FAHD2B: variants seen among roughly 807,000 people sequenced by gnomAD.
FAHD2B encodes oxaloacetate tautomerase FAHD2B, mitochondrial.
Under a neutral mutation model 33.7 loss-of-function variants are expected in FAHD2B, and 26 were observed. The observed-to-expected ratio is 0.77, with a 90% CI of 0.57 to 1.07. The LOEUF (loss-of-function observed/expected upper bound fraction) is 1.07. FAHD2B is among the 50% of genes least tolerant of loss of function. FAHD2B has a pLI of 0.00. For missense variants in FAHD2B, 272 were observed against 388.1 expected (o/e 0.70, Z 2.51); for synonymous variants, 108 against 150.9 (o/e 0.72, Z 2.08).
downstream of FAHD2B, among the ~76,000 whole-genome samples, chr2:97,080,220 T>C (rs1402325338): frequency 3.9e-5 from 6 of 152,112 alleles, no homozygotes; most frequent in South Asian, 2.1e-4. Flanking sequence ...TTTTTATAGT[T>C]TGGGGTTTTA....
chr2:97,082,226 TTTC>T, downstream of FAHD2B: 1 of 1,540,304 alleles, frequency 6.5e-7, no homozygotes, highest in South Asian at 1.2e-5. Context: ...CCCAGATTTC[TTTC>T]TTTTCCTCTG....
chr2:97,090,400 G>T (rs1054423828), intron 3 of FAHD2B, 75 bp from the exon 4 acceptor site: 18 of 1,471,716 alleles, frequency 1.2e-5, no homozygotes, highest in Middle Eastern at 3.7e-4. Context: ...GGCAGATCCT[G>T]CAGCAGCTAC....
chr2:97,087,914 C>T (rs531687911), intron 4 of FAHD2B, among the ~76,000 whole-genome samples: 1 of 151,884 alleles, frequency 6.6e-6, no homozygotes, highest in East Asian at 1.9e-4. Flanking sequence ...AATTCTGGGA[C>T]CACTGACATG....
chr2:97,090,450 C>G (rs1225380205), intron 3 of FAHD2B, 125 bp from the exon 4 acceptor site: 4 of 1,458,246 alleles, frequency 2.7e-6, no homozygotes, highest in Non-Finnish European at 3.6e-6. Flanking sequence ...GCTCTATCAA[C>G]CATCAGAGTC....
At chr2:97,083,398 T>C, downstream of FAHD2B, 5 of 1,468,794 alleles carry the variant, frequency 3.4e-6, no homozygotes, top group Non-Finnish European at 4.5e-6. Flanking sequence ...TCCCTTGCCA[T>C]CTCTTGCTTT....
chr2:97,090,380 G>A (rs934647940), intron 3 of FAHD2B, 55 bp from the exon 4 acceptor site: 12 of 1,469,990 alleles, frequency 8.2e-6, no homozygotes, highest in Middle Eastern at 1.8e-4. Flanking sequence ...GGGCAATCCC[G>A]GGCAGGCTGG....
At chr2:97,084,339 T>C (rs1245239204) in intron 6 of FAHD2B, 62 bp from the exon 7 acceptor site, 1 of 1,597,036 alleles carries the variant, frequency 6.3e-7, no homozygotes, top group East Asian at 2.2e-5. Context: ...CCCAGTGTTT[T>C]ACAAACACAA....
intron 4 of FAHD2B, among the ~76,000 whole-genome samples, chr2:97,089,118 G>T (rs1379840505): frequency 6.6e-6 from 1 of 151,980 alleles, no homozygotes; most frequent in Non-Finnish European, 1.5e-5. Context: ...AACGATGGAT[G>T]TGTAAGTTGC....
At chr2:97,085,112 T>C (rs2031886886) in intron 6 of FAHD2B, among the ~76,000 whole-genome samples, 1 of 151,918 alleles carries the variant, frequency 6.6e-6, no homozygotes, top group African/African-American at 2.4e-5. Context: ...AATTTAACTT[T>C]GCCGAGGACT....
At chr2:97,090,051 C>T in intron 4 of FAHD2B, 58 bp downstream of exon 4, 1 of 1,508,350 alleles carries the variant, frequency 6.6e-7, no homozygotes, top group Non-Finnish European at 9.1e-7. Context: ...CAATACTGAG[C>T]TCAGAATGCC....
downstream of FAHD2B, chr2:97,080,982 T>TG (rs2031621923): frequency 1.8e-5 from 16 of 908,018 alleles, no homozygotes; most frequent in Admixed American, 5.8e-4. Context: ...TAAGAAGCTT[T>TG]GGGGGCTGGG....
At position 97,083,661 on chromosome 2, in the gene FAHD2B, T is replaced by C; in HGVS notation, c.*94A>G. The C allele has an allele frequency of 1.6e-5, 25 of 1,599,050 alleles. No homozygotes were observed. The highest frequency in any genetic ancestry group is 1.7e-5 in the Non-Finnish European group (20 of 1,170,202). Reference sequence around the variant, plus strand: ...ACCGAGAAGAGGCGGCTTGCAGGGCTGGCACCTGCCCACACCTGCCACTGG... The same window carrying C: ...ACCGAGAAGAGGCGGCTTGCAGGGCCGGCACCTGCCCACACCTGCCACTGG... On this transcript the variant is annotated 3_prime_UTR_variant, in exon 9 of 9. Coordinates refer to ENST00000414820, the MANE Select transcript of FAHD2B (RefSeq NM_001320848.2).
At chr2:97,080,937 G>T (rs1433949261), downstream of FAHD2B, among the ~76,000 whole-genome samples, 2 of 152,102 alleles carry the variant, frequency 1.3e-5, no homozygotes, top group African/African-American at 4.8e-5. Context: ...CATTAATTTT[G>T]TAACTTGAGA....
At chr2:97,080,375 T>G (rs1200887089), downstream of FAHD2B, among the ~76,000 whole-genome samples, 1 of 152,090 alleles carries the variant, frequency 6.6e-6, no homozygotes, top group East Asian at 1.9e-4. Flanking sequence ...TTTGTCAGGT[T>G]TGTCAAATAT....
At chr2:97,084,521 A>G (rs1323035759) in intron 6 of FAHD2B, among the ~76,000 whole-genome samples, 1 of 151,744 alleles carries the variant, frequency 6.6e-6, no homozygotes, top group African/African-American at 2.4e-5. Context: ...GATGTTCCAG[A>G]CTCTGAAGGA....
At position 97,092,006 on chromosome 2, in the gene FAHD2B, A is replaced by G. The variant is rs137898672; in HGVS notation, c.-132-18T>C. Reference sequence around the variant, plus strand: ...TGGCTCTGCTGTAGGTATTGGGGAAACAATGTAGGTCAAACTCAGCCCTGC... The same window carrying G: ...TGGCTCTGCTGTAGGTATTGGGGAAGCAATGTAGGTCAAACTCAGCCCTGC... On this transcript the variant is annotated intron_variant, in intron 1 of 8. Transcript: ENST00000414820. 790 of 327,112 alleles carry G rather than the reference A, an allele frequency of 2.4e-3. 3 individuals are homozygous for G. The highest frequency in any genetic ancestry group is 0.015 in the African/African-American group (702 of 48,148). The allele number at this position is 327,112 out of a possible 1,614,324, so 20.3% of individuals were successfully genotyped here.
intron 4 of FAHD2B, 138 bp from the exon 5 acceptor site, chr2:97,086,336 A>C: frequency 8.1e-7 from 1 of 1,234,962 alleles, no homozygotes. Flanking sequence ...ACCAGAGCCC[A>C]GTGAATGACA....
At chr2:97,086,026 T>C (rs1425066058) in intron 5 of FAHD2B, 113 bp downstream of exon 5, 3 of 1,285,302 alleles carry the variant, frequency 2.3e-6, no homozygotes, top group South Asian at 1.3e-5. Flanking sequence ...GACTGCTTCC[T>C]AGTGTCAGGG....
In FAHD2B at chr2:97,087,725, C is replaced by T. The variant is rs116326768; in HGVS notation, c.463-1527G>A. On this transcript the variant is annotated intron_variant, in intron 4 of 8. Coordinates refer to ENST00000414820, the MANE Select transcript of FAHD2B (RefSeq NM_001320848.2). ...AAAAGAAAAGTCATTGCTCTTCATC[C>T]CCCAATGCAATAATGGGTCCAGTAA... is the stretch of plus-strand genomic sequence containing the variant. Among the ~76,000 whole-genome samples the T allele has an allele frequency of 4.8e-3, 725 of 152,146 alleles. 7 individuals carry two copies. The highest frequency in any genetic ancestry group is 0.017 in the African/African-American group (689 of 41,520).
Sources: allele counts gnomAD v4.1 joint callset (sites outside exome capture counted in the v4.1 genomes callset), GRCh38; gene constraint gnomAD v4.1.1; transcripts MANE v1.5; gene names NCBI Gene and HGNC (gene_info 2026-07-23, HGNC 2026-07-21).